The following CEP128 variants were observed in gnomAD, a reference collection of about 807,000 sequenced individuals.
CEP128 encodes centrosomal protein 128.
A neutral mutation model predicts 156.7 loss-of-function variants in CEP128; 132 were observed. The observed-to-expected ratio is 0.84, with a 90% CI of 0.73 to 0.97. CEP128 has a LOEUF of 0.97. Among genes scored for constraint, CEP128 ranks in the 50% least tolerant of loss-of-function variants. The pLI is 0.00. For synonymous variants in CEP128, 469 were observed against 448.9 expected (o/e 1.04, Z -0.57); for missense variants, 1,252 against 1,281.9 (o/e 0.98, Z 0.36).
chr14:80,607,288 T>C (rs917136801), intron 19 of CEP128, among the ~76,000 whole-genome samples: 2 of 151,950 alleles, frequency 1.3e-5, no homozygotes, highest in Non-Finnish European at 2.9e-5. Flanking sequence ...ACATAATAAA[T>C]ATGACCAATT....
chr14:80,802,467 C>A (rs1237743060), intron 13 of CEP128, among the ~76,000 whole-genome samples: 1 of 150,052 alleles, frequency 6.7e-6, no homozygotes, highest in Non-Finnish European at 1.5e-5. Context: ...TGCTCTCACT[C>A]GTAAGTGGGA....
chr14:80,793,208 A>C, intron 13 of CEP128, 98 bp from the exon 14 acceptor site: 1 of 869,302 alleles, frequency 1.2e-6, no homozygotes, highest in Non-Finnish European at 1.8e-6. Flanking sequence ...ACTGAAGTGG[A>C]AATCATCTGT....
chr14:80,744,830 T>C (rs1461463237), intron 18 of CEP128, among the ~76,000 whole-genome samples: 1 of 152,106 alleles, frequency 6.6e-6, no homozygotes, highest in African/African-American at 2.4e-5. Flanking sequence ...TCCCCCAATG[T>C]GCCACTGATA....
intron 21 of CEP128, among the ~76,000 whole-genome samples, chr14:80,540,204 C>CG (rs972804305): frequency 1.3e-4 from 19 of 150,306 alleles, no homozygotes; most frequent in African/African-American, 4.2e-4. Context: ...TACACCCCCC[C>CG]CCCTTTTGAA....
At chr14:80,720,581 T>C (rs1415221430) in intron 19 of CEP128, among the ~76,000 whole-genome samples, 1 of 152,214 alleles carries the variant, frequency 6.6e-6, no homozygotes, top group Non-Finnish European at 1.5e-5. Flanking sequence ...AATGGAAGAT[T>C]GTCCGAGAAA....
intron 19 of CEP128, among the ~76,000 whole-genome samples, chr14:80,596,248 A>G (rs181787434): frequency 7.2e-5 from 11 of 152,278 alleles, no homozygotes; most frequent in Admixed American, 3.3e-4. Flanking sequence ...AAACTCACCT[A>G]AAGTGTAATG....
chr14:80,680,940 G>C (rs1896297158), intron 19 of CEP128, among the ~76,000 whole-genome samples: 1 of 152,014 alleles, frequency 6.6e-6, no homozygotes, highest in Non-Finnish European at 1.5e-5. Context: ...GCACCCCACG[G>C]ATCAGCCCAT....
At chr14:80,499,084 A>G (rs1449545435) in intron 24 of CEP128, among the ~76,000 whole-genome samples, 1 of 152,268 alleles carries the variant, frequency 6.6e-6, no homozygotes, top group Admixed American at 6.5e-5. Flanking sequence ...AGACAGAGAG[A>G]CTGCACTTTC....
At chr14:80,598,147 A>C (rs1184170226) in intron 19 of CEP128, among the ~76,000 whole-genome samples, 1 of 151,938 alleles carries the variant, frequency 6.6e-6, no homozygotes, top group Non-Finnish European at 1.5e-5. Flanking sequence ...GCAAAGAAAA[A>C]AAGTGTCCGT....
At chr14:80,804,587 G>A (rs1647886396) in intron 13 of CEP128, among the ~76,000 whole-genome samples, 1 of 152,002 alleles carries the variant, frequency 6.6e-6, no homozygotes, top group South Asian at 2.1e-4. Context: ...GAATATAAAC[G>A]CTGCATCTAA....
chr14:80,524,522 G>A (rs1339348632), intron 23 of CEP128, among the ~76,000 whole-genome samples: 1 of 152,070 alleles, frequency 6.6e-6, no homozygotes, highest in Non-Finnish European at 1.5e-5. Context: ...ACTCATTTAA[G>A]CTCACTCTTC....
At chr14:80,687,819 T>C (rs1163715986) in intron 19 of CEP128, among the ~76,000 whole-genome samples, 1 of 152,076 alleles carries the variant, frequency 6.6e-6, no homozygotes, top group Non-Finnish European at 1.5e-5. Context: ...TGCACGAAAA[T>C]AAACAACTGA....
intron 20 of CEP128, among the ~76,000 whole-genome samples, chr14:80,573,107 T>C (rs1223716464): frequency 2.7e-5 from 4 of 148,338 alleles, no homozygotes; most frequent in Non-Finnish European, 4.5e-5. Context: ...TTTTTTTTAG[T>C]AGAGACGGGG....
intron 9 of CEP128, among the ~76,000 whole-genome samples, chr14:80,850,605 G>T (rs1258700753): frequency 1.3e-5 from 2 of 152,262 alleles, no homozygotes; most frequent in Middle Eastern, 3.4e-3. Flanking sequence ...TCCATTATTT[G>T]CAGTATCCCA....
intron 15 of CEP128, among the ~76,000 whole-genome samples, chr14:80,783,518 C>T (rs551343871): frequency 6.6e-6 from 1 of 152,276 alleles, no homozygotes; most frequent in East Asian, 1.9e-4. Context: ...GTGACCGGCA[C>T]AAAATGTTGA....
rs544422347 is a variant in CEP128 at position 80,934,698 on chromosome 14, C to T, written c.-16+4687G>A. Among the ~76,000 whole-genome samples the T allele has an allele frequency of 9.2e-5, 14 of 152,250 alleles. No homozygotes were observed. In the East Asian group the frequency reaches 1.3e-3, roughly 15 times the overall value. On this transcript the variant is annotated intron_variant, in intron 2 of 24. Transcript: ENST00000555265. ...TTTTTTGCAAATGAAGAACTACTAA[C>T]GCTCCCAGTAGTTAAGTAGCTAGAA...
chr14:80,627,733 T>C (rs1595114075), intron 19 of CEP128, among the ~76,000 whole-genome samples: 1 of 117,498 alleles, frequency 8.5e-6, no homozygotes, highest in Non-Finnish European at 1.8e-5. Flanking sequence ...TAATTAATTA[T>C]TATTTTCTTT....
At chr14:80,749,250 G>A (rs545421564) in intron 18 of CEP128, among the ~76,000 whole-genome samples, 7 of 152,256 alleles carry the variant, frequency 4.6e-5, no homozygotes, top group South Asian at 4.1e-4. Flanking sequence ...TAAAAATAGA[G>A]CTACCATACA....
At chr14:80,516,787 C>T (rs978973895) in intron 23 of CEP128, among the ~76,000 whole-genome samples, 4 of 152,218 alleles carry the variant, frequency 2.6e-5, no homozygotes, top group African/African-American at 9.6e-5. Flanking sequence ...CACAGATTCT[C>T]TCTCCCACCA....
Sources: gnomAD v4.1 joint callset for allele counts (sites outside exome capture counted in the v4.1 genomes callset) on GRCh38, gnomAD v4.1.1 for gene constraint, MANE v1.5 for transcripts, NCBI Gene and HGNC (gene_info 2026-07-23, HGNC 2026-07-21) for gene names.